The following SLC7A6 variants were observed in gnomAD, a reference collection of about 807,000 sequenced individuals.
SLC7A6 encodes Y+L amino acid transporter 2.
A neutral mutation model predicts 46.6 loss-of-function variants in SLC7A6; 29 were observed. The observed-to-expected ratio is 0.62, with a 90% CI of 0.46 to 0.85. The LOEUF is 0.85. Among genes scored for constraint, SLC7A6 ranks in the 40% least tolerant of loss-of-function variants. The pLI is 0.00. For missense variants in SLC7A6, 527 were observed against 647.6 expected (o/e 0.81, Z 2.02); for synonymous variants, 276 against 257.3 (o/e 1.07, Z -0.70).
intron 3 of SLC7A6, 97 bp downstream of exon 3, chr16:68,275,346 A>G (rs2042691923): frequency 2.0e-6 from 3 of 1,471,974 alleles, no homozygotes; most frequent in East Asian, 2.3e-5. Context: ...CTATAATCCC[A>G]GCACTTTGGG....
intron 1 of SLC7A6, among the ~76,000 whole-genome samples, chr16:68,265,983 G>A (rs1392909203): frequency 1.3e-5 from 2 of 152,142 alleles, no homozygotes; most frequent in African/African-American, 2.4e-5. Flanking sequence ...TATGCAGGCC[G>A]GGCGCGGTGG....
intron 2 of SLC7A6, among the ~76,000 whole-genome samples, chr16:68,268,532 A>C (rs890015517): frequency 6.6e-6 from 1 of 152,170 alleles, no homozygotes; most frequent in African/African-American, 2.4e-5. Flanking sequence ...CTTCCTTTGT[A>C]ATCGAGCTTT....
At chr16:68,292,033 G>C (rs1392432196) in intron 7 of SLC7A6, 1 of 210,258 alleles carries the variant, frequency 4.8e-6, no homozygotes, top group Non-Finnish European at 9.6e-6. Flanking sequence ...GATGAGGACA[G>C]ATTGATGAAA....
intron 3 of SLC7A6, among the ~76,000 whole-genome samples, chr16:68,282,450 T>TA (rs1318645065): frequency 5.3e-5 from 8 of 152,018 alleles, no homozygotes; most frequent in South Asian, 4.1e-4. Flanking sequence ...AAGGATACTT[T>TA]AAAAAAAGAC....
At chr16:68,291,073 G>A in intron 5 of SLC7A6, 136 bp from the exon 6 acceptor site, 1 of 1,065,746 alleles carries the variant, frequency 9.4e-7, no homozygotes, top group South Asian at 1.3e-5. Flanking sequence ...CAGGGTCAAG[G>A]GGAAGGTGAG....
chr16:68,266,335 T>G (rs2042534254), intron 1 of SLC7A6, among the ~76,000 whole-genome samples: 1 of 152,264 alleles, frequency 6.6e-6, no homozygotes, highest in Non-Finnish European at 1.5e-5. Flanking sequence ...ACTTACATGA[T>G]TTAATGTGAC....
At position 68,296,636 on chromosome 16, in the gene SLC7A6, T is replaced by C. The variant is rs1374494759; in HGVS notation, c.1279T>C (p.Phe427Leu). ...KRPRPLKLSV[F>L]FPIVFCICSV... ...ACCCCCTCTATTTCAGCTGAGCGTGTTTTTCCCCATCGTGTTCTGCATATG... is the reference window on the plus strand; with the variant it reads ...ACCCCCTCTATTTCAGCTGAGCGTGCTTTTCCCCATCGTGTTCTGCATATG... The change falls in exon 10 of 11, where the codon TTT becomes CTT. Residue 427 changes from phenylalanine to leucine, a missense_variant. Transcript: ENST00000219343. The C allele has an allele frequency of 1.2e-6, 2 of 1,614,126 alleles. No homozygotes were observed. The highest frequency in any genetic ancestry group is 8.5e-7 in the Non-Finnish European group (1 of 1,179,998).
chr16:68,280,100 T>C (rs574178997), intron 3 of SLC7A6, among the ~76,000 whole-genome samples: 1 of 152,322 alleles, frequency 6.6e-6, no homozygotes, highest in South Asian at 2.1e-4. Context: ...TGAGTCTCCT[T>C]GAGTAGAGGC....
chr16:68,278,505 GTGATGACTCTTAACGAGCA>G (rs1439313125), intron 3 of SLC7A6, among the ~76,000 whole-genome samples: 1 of 151,118 alleles, frequency 6.6e-6, no homozygotes, highest in Non-Finnish European at 1.5e-5. Flanking sequence ...TTAGGGAGTG[GTGATGACTCTTAACGAGCA>G]TGCTGCCTTC....
At chr16:68,277,370 G>A (rs2042732345) in intron 3 of SLC7A6, among the ~76,000 whole-genome samples, 1 of 143,932 alleles carries the variant, frequency 6.9e-6, no homozygotes, top group Non-Finnish European at 1.5e-5. Flanking sequence ...GTCTTGCTCT[G>A]TCGCCCAGGC....
At position 68,301,545 on chromosome 16, in the gene SLC7A6, A is replaced by G; in HGVS notation, c.*4217A>G. On this transcript the variant is annotated 3_prime_UTR_variant, in exon 11 of 11. Coordinates refer to ENST00000219343, the MANE Select transcript of SLC7A6 (RefSeq NM_003983.6). ...GCTCAATAAATAAAAAAGAATATAG[A>G]ATTCTTTTTTTTTTAAAGAAGGAAT... 4.7e-6 allele frequency: 3 copies of G among 642,548 alleles called. No individual in the cohort carries two copies. The highest frequency in any genetic ancestry group is 4.8e-6 in the Non-Finnish European group (2 of 413,770). The allele number at this position is 642,548 out of a possible 1,614,324, so 39.8% of individuals were successfully genotyped here.
intron 3 of SLC7A6, among the ~76,000 whole-genome samples, chr16:68,284,049 G>A (rs1349492466): frequency 6.6e-6 from 1 of 151,980 alleles, no homozygotes; most frequent in East Asian, 1.9e-4. Context: ...TGATAGTAGG[G>A]TGAGGCAAAC....
intron 7 of SLC7A6, among the ~76,000 whole-genome samples, chr16:68,293,349 A>G (rs2151231229): frequency 6.6e-6 from 1 of 152,340 alleles, no homozygotes. Context: ...GCCTGAACCC[A>G]GGAGGCGGAG....
intron 10 of SLC7A6, 152 bp from the exon 11 acceptor site, chr16:68,297,082 T>G (rs997339651): frequency 1.4e-6 from 1 of 729,130 alleles, no homozygotes; most frequent in Non-Finnish European, 2.2e-6. Flanking sequence ...CAGAGGATGA[T>G]GAGGCTTGTT....
chr16:68,266,035 C>G (rs374579780), intron 1 of SLC7A6, among the ~76,000 whole-genome samples: 1 of 151,974 alleles, frequency 6.6e-6, no homozygotes, highest in Non-Finnish European at 1.5e-5. Flanking sequence ...CCGAGGCAGG[C>G]GGATCACGGG....
chr16:68,267,933 G>A (rs1479719442), intron 2 of SLC7A6, among the ~76,000 whole-genome samples: 1 of 152,200 alleles, frequency 6.6e-6, no homozygotes, highest in Admixed American at 6.5e-5. Flanking sequence ...GAGGCTGGGG[G>A]TTTGGGGAGC....
chr16:68,288,550 G>A (rs2151226777), intron 4 of SLC7A6, among the ~76,000 whole-genome samples: 1 of 152,222 alleles, frequency 6.6e-6, no homozygotes, highest in East Asian at 1.9e-4. Flanking sequence ...TCACAGCCCA[G>A]TTCTCTAGGT....
chr16:68,291,414 C>A (rs1033958216), intron 6 of SLC7A6, 82 bp downstream of exon 6: 1 of 1,589,320 alleles, frequency 6.3e-7, no homozygotes, highest in Non-Finnish European at 8.6e-7. Context: ...TTACTGCACC[C>A]TCCTCAGCTC....
intron 3 of SLC7A6, among the ~76,000 whole-genome samples, chr16:68,280,076 G>C (rs1255200700): frequency 6.6e-6 from 1 of 152,236 alleles, no homozygotes; most frequent in Non-Finnish European, 1.5e-5. Context: ...GCTTTCAACA[G>C]AGCTAGGATA....
Sources: gnomAD v4.1 joint callset for allele counts (sites outside exome capture counted in the v4.1 genomes callset) on GRCh38, gnomAD v4.1.1 for gene constraint, MANE v1.5 for transcripts, NCBI Gene and HGNC (gene_info 2026-07-23, HGNC 2026-07-21) for gene names.